The following PKHD1 variants were observed in gnomAD, a reference collection of about 807,000 sequenced individuals.
PKHD1 encodes the protein PKHD1 ciliary IPT domain containing fibrocystin/polyductin, also known as fibrocystin.
A neutral mutation model predicts 412.0 loss-of-function variants in PKHD1; 291 were observed. The observed-to-expected ratio is 0.71, with a 90% CI of 0.64 to 0.78. The LOEUF is 0.78. PKHD1 is among the 30% of genes least tolerant of loss of function. PKHD1 has a pLI of 0.00. For synonymous variants in PKHD1, 1,777 were observed against 1,821.5 expected, an observed-to-expected ratio of 0.98 and a Z score of 0.62; for missense variants, 4,825 against 4,950.7, an observed-to-expected ratio of 0.97 and a Z score of 0.76.
At chr6:51,631,107 T>C (rs1767870154) in intron 65 of PKHD1, among the ~76,000 whole-genome samples, 1 of 152,120 alleles carries the variant, frequency 6.6e-6, no homozygotes, top group Non-Finnish European at 1.5e-5. Context: ...GGTTAGACCT[T>C]AGGGAGAGAC....
chr6:52,069,456 C>G lies in PKHD1; in HGVS notation c.778+1G>C, dbSNP rs753471298. 1 of 1,606,032 alleles carries G rather than the reference C, an allele frequency of 6.2e-7. No individual in the cohort carries two copies. Among genetic ancestry groups the G allele is most frequent in the East Asian group, 2.2e-5 (1 of 44,838 alleles). On this transcript the variant is annotated splice_donor_variant, in intron 11 of 66. Coordinates refer to ENST00000371117, the MANE Select transcript of PKHD1 (RefSeq NM_138694.4). LOFTEE classifies it high-confidence loss of function. ...GGGTACTTGGTGAAGGGGGATAGTA[C>G]CTGAGTGTGTCTGGTATAGGAAAAG...
rs1807779753 is a variant in PKHD1 at position 52,056,594 on chromosome 6, T to TA, written c.1693+103dup. 6 of 914,974 alleles carry TA rather than the reference T, an allele frequency of 6.6e-6. No homozygotes were observed. The East Asian group carries it at 7.2e-5, about 11-fold the overall frequency. 56.7% of individuals were successfully genotyped at this position (914,974 alleles called of 1,614,324 possible). ...AAATCCAGGTTTCATATTTTTTTTT[T>TA]ACTCTGTTATCACCTTGGAGAGGAA... On this transcript the variant is annotated intron_variant, in intron 18 of 66. Coordinates refer to ENST00000371117, the MANE Select transcript of PKHD1 (RefSeq NM_138694.4).
chr6:51,945,938 T>G (rs1789394790), intron 36 of PKHD1, among the ~76,000 whole-genome samples: 1 of 152,234 alleles, frequency 6.6e-6, no homozygotes, highest in South Asian at 2.1e-4. Context: ...AGGAAAAACA[T>G]GTGTGAACCT....
In PKHD1 at chr6:52,045,048, G is replaced by A. The variant is rs1404421799; in HGVS notation, c.2633C>T (p.Ala878Val). Residue 878 changes from alanine to valine, a missense_variant, in exon 25 of 67, where the codon GCC becomes GTC. Physicochemically the swap from Ala to Val is moderately conservative, Grantham distance 64 (BLOSUM62 0). Transcript: ENST00000371117. ...TCCACCATCATATACCACACGCGTGGCTGCAGCAGGATTCACTCCAGTAAG... is the reference window on the plus strand; with the variant it reads ...TCCACCATCATATACCACACGCGTGACTGCAGCAGGATTCACTCCAGTAAG... The part of the protein sequence containing the change: ...ENLTGVNPAA[A>V]TRVVYDGGVF... 1 of 1,613,116 alleles carries A rather than the reference G, an allele frequency of 6.2e-7. No homozygotes were observed. The highest frequency in any genetic ancestry group is 8.5e-7 in the Non-Finnish European group (1 of 1,179,154).
At chr6:51,628,118 T>C (rs1340067791) in intron 65 of PKHD1, among the ~76,000 whole-genome samples, 1 of 152,124 alleles carries the variant, frequency 6.6e-6, no homozygotes, top group Non-Finnish European at 1.5e-5. Flanking sequence ...CATGTACAGG[T>C]TTGTTACAGG....
intron 49 of PKHD1, among the ~76,000 whole-genome samples, chr6:51,854,815 A>T (rs1023413000): frequency 3.3e-5 from 5 of 152,078 alleles, no homozygotes; most frequent in African/African-American, 1.2e-4. Context: ...AGAGCTATAG[A>T]AATGGGTGCT....
chr6:51,692,623 AT>A (rs1159064603), intron 60 of PKHD1, among the ~76,000 whole-genome samples: 4 of 152,048 alleles, frequency 2.6e-5, no homozygotes, highest in East Asian at 1.9e-4. Flanking sequence ...AGTCTCGTCC[AT>A]TTTTTTCCCA....
chr6:51,767,915 T>C (rs4304158), intron 55 of PKHD1, among the ~76,000 whole-genome samples: 86,926 of 151,736 alleles, frequency 0.57, 25,974 homozygotes, highest in East Asian at 0.83. Flanking sequence ...ATGGTTGAAC[T>C]AGTTTACAGT....
At position 51,766,670 on chromosome 6, in the gene PKHD1, T is replaced by C. The variant is rs567018734; in HGVS notation, c.8642+6032A>G. On this transcript the variant is annotated intron_variant, in intron 55 of 66. Coordinates refer to ENST00000371117, the MANE Select transcript of PKHD1 (RefSeq NM_138694.4). ...AAATATTAGTCCTTCATCTGTACTATTGTATGCTGCAAATATTTTCTTTTT... is the reference window on the plus strand; with the variant it reads ...AAATATTAGTCCTTCATCTGTACTACTGTATGCTGCAAATATTTTCTTTTT... 6.6e-5 allele frequency among the ~76,000 whole-genome samples: 10 copies of C among 151,672 alleles called. No individual in the cohort carries two copies. In the East Asian group the frequency reaches 1.8e-3, roughly 27 times the overall value.
At chr6:51,819,828 C>T (rs1247042314) in intron 52 of PKHD1, among the ~76,000 whole-genome samples, 2 of 152,154 alleles carry the variant, frequency 1.3e-5, no homozygotes, top group Admixed American at 1.3e-4. Flanking sequence ...TCTCTTTTAG[C>T]TCTCTTGGAT....
chr6:51,820,491 G>A (rs1053882596), intron 52 of PKHD1, among the ~76,000 whole-genome samples: 1 of 152,112 alleles, frequency 6.6e-6, no homozygotes, highest in Non-Finnish European at 1.5e-5. Context: ...GCTAGGTACT[G>A]TTACTCAACC....
chr6:51,727,130 G>A (rs1231704668), intron 60 of PKHD1, among the ~76,000 whole-genome samples: 5 of 152,156 alleles, frequency 3.3e-5, no homozygotes, highest in Non-Finnish European at 2.9e-5. Flanking sequence ...AGTGAACAAG[G>A]ACACAGCAAC....
chr6:51,970,441 G>A lies in PKHD1; in HGVS notation c.5752-10415C>T, dbSNP rs1406241530. ...TGATTACTTATTTTGCTGTGCAGAA[G>A]GTTTTTAGTTTTACTAGGTCCCACT... On this transcript the variant is annotated intron_variant, in intron 35 of 66. Transcript: ENST00000371117. 4.6e-5 allele frequency among the ~76,000 whole-genome samples: 7 copies of A among 152,116 alleles called. No homozygotes were observed. The East Asian group carries it at 1.2e-3, about 25-fold the overall frequency.
At chr6:52,059,842 C>T (rs908767037) in intron 15 of PKHD1, 86 bp downstream of exon 15, 2 of 764,988 alleles carry the variant, frequency 2.6e-6, no homozygotes, top group Non-Finnish European at 4.8e-6. Flanking sequence ...ATCTGTAAAA[C>T]ATGAGAGCCT....
intron 35 of PKHD1, among the ~76,000 whole-genome samples, chr6:52,008,391 C>A (rs1317868760): frequency 6.6e-6 from 1 of 152,184 alleles, no homozygotes; most frequent in Non-Finnish European, 1.5e-5. Flanking sequence ...GCCTCACTTC[C>A]CAAATATCTC....
At chr6:51,975,962 T>TGG (rs1301324982) in intron 35 of PKHD1, 1 of 29,882 alleles carries the variant, frequency 3.3e-5, no homozygotes, top group African/African-American at 1.2e-4. Context: ...CTTTCTCTAA[T>TGG]TAAAAAAAAA....
chr6:51,715,905 G>A (rs569774758), intron 60 of PKHD1, among the ~76,000 whole-genome samples: 20 of 152,310 alleles, frequency 1.3e-4, no homozygotes, highest in Middle Eastern at 6.8e-3. Context: ...GACAGGGAAG[G>A]AAATTCAAAT....
chr6:52,011,558 T>C (rs1799827236), intron 34 of PKHD1, among the ~76,000 whole-genome samples: 2 of 152,270 alleles, frequency 1.3e-5, no homozygotes, highest in South Asian at 4.1e-4. Flanking sequence ...GCCAGGAAGA[T>C]GGCAGATCCC....
chr6:51,912,850 T>C (rs936543429), intron 37 of PKHD1, among the ~76,000 whole-genome samples: 25 of 152,102 alleles, frequency 1.6e-4, no homozygotes, highest in African/African-American at 6.0e-4. Flanking sequence ...AGAATTGTGG[T>C]CAGATTACAC....
Sources: gnomAD v4.1 joint callset for allele counts (sites outside exome capture counted in the v4.1 genomes callset) on GRCh38, gnomAD v4.1.1 for gene constraint, MANE v1.5 for transcripts, NCBI Gene and HGNC (gene_info 2026-07-23, HGNC 2026-07-21) for gene names.